TSNARE1: variants seen among roughly 807,000 people sequenced by gnomAD.
The protein encoded by TSNARE1 is t-SNARE domain containing 1, also known as t-SNARE domain-containing protein 1.
Under a neutral mutation model 62.0 loss-of-function variants are expected in TSNARE1, and 49 were observed. The observed-to-expected ratio is 0.79, with a 90% CI of 0.63 to 1.00. The LOEUF is 1.00. TSNARE1 is among the 50% of genes least tolerant of loss of function. The probability of loss-of-function intolerance (pLI) is 0.00; values close to 1 mark genes in which losing one functional copy is unlikely to be tolerated. For missense variants in TSNARE1, 755 were observed against 700.1 expected (o/e 1.08, Z -0.88); for synonymous variants, 328 against 294.4 (o/e 1.11, Z -1.17).
At chr8:142,373,473 G>A (rs1255755805) in intron 1 of TSNARE1, among the ~76,000 whole-genome samples, 1 of 152,124 alleles carries the variant, frequency 6.6e-6, no homozygotes, top group Non-Finnish European at 1.5e-5. Flanking sequence ...CAAGAAACCA[G>A]GACACAGGCA....
At chr8:142,296,796 G>T (rs192213059) in intron 10 of TSNARE1, among the ~76,000 whole-genome samples, 2 of 152,028 alleles carry the variant, frequency 1.3e-5, no homozygotes, top group Non-Finnish European at 2.9e-5. Context: ...GGGTCTCGGC[G>T]GTCCCCACAG....
intron 1 of TSNARE1, among the ~76,000 whole-genome samples, chr8:142,361,924 G>A (rs1835193878): frequency 6.6e-6 from 1 of 152,210 alleles, no homozygotes; most frequent in Admixed American, 6.5e-5. Flanking sequence ...ACAAATTTCT[G>A]CTCTCCAAAG....
intron 9 of TSNARE1, among the ~76,000 whole-genome samples, chr8:142,304,437 G>A (rs926021051): frequency 3.3e-5 from 5 of 152,332 alleles, no homozygotes; most frequent in South Asian, 2.1e-4. Flanking sequence ...TGGGAGCAGC[G>A]GCACTCACAG....
intron 1 of TSNARE1, among the ~76,000 whole-genome samples, chr8:142,393,265 C>T (rs960474599): frequency 6.6e-6 from 1 of 152,206 alleles, no homozygotes. Context: ...TCCATTTCTA[C>T]GACTCGCTTC....
rs1836968104 is a variant in TSNARE1 at position 142,384,320 on chromosome 8, G to A, written c.-40+18784C>T. 2.6e-5 allele frequency among the ~76,000 whole-genome samples: 4 copies of A among 152,154 alleles called. 1 individual carries two copies. The highest frequency in any genetic ancestry group is 2.6e-4 in the Admixed American group (4 of 15,276). On this transcript the variant is annotated intron_variant, in intron 1 of 13. Coordinates refer to ENST00000524325, the MANE Select transcript of TSNARE1 (RefSeq NM_145003.5). Reference sequence around the variant, plus strand: ...GAAGCTGCAAGGACTCTTACAAGAAGCTGGCCCAGAAAAAAACTAACACAT... The same window carrying A: ...GAAGCTGCAAGGACTCTTACAAGAAACTGGCCCAGAAAAAAACTAACACAT...
chr8:142,388,884 A>G (rs1468453496), intron 1 of TSNARE1, among the ~76,000 whole-genome samples: 1 of 152,196 alleles, frequency 6.6e-6, no homozygotes, highest in Non-Finnish European at 1.5e-5. Context: ...CCCAAAATTA[A>G]TATTTAGAAT....
chr8:142,307,889 A>G (rs1410089331), intron 9 of TSNARE1, among the ~76,000 whole-genome samples: 2 of 152,244 alleles, frequency 1.3e-5, no homozygotes, highest in African/African-American at 4.8e-5. Context: ...CGGCTTTTGC[A>G]GAGGTTTTCA....
intron 11 of TSNARE1, among the ~76,000 whole-genome samples, 184 bp downstream of exon 11, chr8:142,284,229 G>A (rs1272239307): frequency 2.0e-5 from 3 of 152,220 alleles, no homozygotes; most frequent in East Asian, 1.9e-4. Context: ...GGCAACGAGC[G>A]GAGCAGGGCT....
chr8:142,386,147 T>C (rs1279793907), intron 1 of TSNARE1, among the ~76,000 whole-genome samples: 1 of 152,198 alleles, frequency 6.6e-6, no homozygotes, highest in African/African-American at 2.4e-5. Context: ...TCCAGGATAA[T>C]CAATCTACTT....
intron 1 of TSNARE1, among the ~76,000 whole-genome samples, chr8:142,389,553 C>G (rs1020975252): frequency 6.6e-6 from 1 of 152,146 alleles, no homozygotes; most frequent in African/African-American, 2.4e-5. Flanking sequence ...AGGAAAAGAT[C>G]GAAAGTCACC....
At chr8:142,300,216 A>G in intron 10 of TSNARE1, 1 of 368,908 alleles carries the variant, frequency 2.7e-6, no homozygotes, top group Non-Finnish European at 4.9e-6. Context: ...ACCCCAGCAT[A>G]GACCCCAGCT....
intron 13 of TSNARE1, among the ~76,000 whole-genome samples, chr8:142,228,339 G>A (rs1424741768): frequency 6.6e-6 from 1 of 152,182 alleles, no homozygotes; most frequent in African/African-American, 2.4e-5. Context: ...GGACACTAAG[G>A]GCCTTCCCAT....
chr8:142,348,331 C>CT (rs1833645184), intron 2 of TSNARE1, among the ~76,000 whole-genome samples: 1 of 152,156 alleles, frequency 6.6e-6, no homozygotes, highest in African/African-American at 2.4e-5. Flanking sequence ...CATCGTCTCC[C>CT]TAAAGCCAGA....
At chr8:142,231,144 T>A (rs745769221) in intron 12 of TSNARE1, among the ~76,000 whole-genome samples, 16 of 152,184 alleles carry the variant, frequency 1.1e-4, no homozygotes, top group Non-Finnish European at 2.1e-4. Flanking sequence ...CTCAGCTCCC[T>A]CAACTGTCTC....
rs527676314 is a variant in TSNARE1 at position 142,257,710 on chromosome 8, C to G, written c.1446+17071G>C. Among the ~76,000 whole-genome samples, 4 of 152,192 alleles carry G rather than the reference C, an allele frequency of 2.6e-5. No individual in the cohort carries two copies. The East Asian group carries it at 7.8e-4, about 30-fold the overall frequency. Reference sequence around the variant, plus strand: ...GTCCCTCTAAAGATCCCCGCGATGACCCAGGGGTGGGAGGCCTGGCCCTGG... The same window carrying G: ...GTCCCTCTAAAGATCCCCGCGATGAGCCAGGGGTGGGAGGCCTGGCCCTGG... On this transcript the variant is annotated intron_variant, in intron 12 of 13. Transcript: ENST00000524325.
At chr8:142,330,866 C>T (rs1830928922) in intron 6 of TSNARE1, 35 bp downstream of exon 6, 3 of 1,610,702 alleles carry the variant, frequency 1.9e-6, no homozygotes, top group South Asian at 1.1e-5. Context: ...GTGCACCACG[C>T]CCAGGCAAAG....
At position 142,273,461 on chromosome 8, in the gene TSNARE1, G is replaced by A. The variant is rs895571077; in HGVS notation, c.1446+1320C>T. On this transcript the variant is annotated intron_variant, in intron 12 of 13. Transcript: ENST00000524325. ...CAGCGACTAGAGGTGCTGGGCCAAGGGCTGAGGCCAAACAGCCCAGAGCTG... is the reference window on the plus strand; with the variant it reads ...CAGCGACTAGAGGTGCTGGGCCAAGAGCTGAGGCCAAACAGCCCAGAGCTG... 4 of 985,238 alleles carry A rather than the reference G, an allele frequency of 4.1e-6. No individual in the cohort carries two copies. The African/African-American group carries it at 5.2e-5, about 13-fold the overall frequency. The allele number at this position is 985,238 out of a possible 1,614,324, so 61.0% of individuals were successfully genotyped here.
Position 142,330,884 on chromosome 8 carries a change from A to G in TSNARE1, c.893+17T>C, listed in dbSNP as rs749616544. 1 of 1,613,596 alleles carries G rather than the reference A, an allele frequency of 6.2e-7. No homozygotes were observed. Among genetic ancestry groups the G allele is most frequent in the Non-Finnish European group, 8.5e-7 (1 of 1,179,640 alleles). On this transcript the variant is annotated intron_variant, in intron 6 of 13. Transcript: ENST00000524325. Reference sequence around the variant, plus strand: ...CACCACGCCCAGGCAAAGAGATACCATGGCCCACACACTCACAGGCTGTCC... The same window carrying G: ...CACCACGCCCAGGCAAAGAGATACCGTGGCCCACACACTCACAGGCTGTCC...
chr8:142,376,751 G>T (rs912667145), intron 1 of TSNARE1, among the ~76,000 whole-genome samples: 1 of 152,184 alleles, frequency 6.6e-6, no homozygotes, highest in Admixed American at 6.5e-5. Flanking sequence ...CCAGGGCCCG[G>T]GCATGGGGGC....
Sources: allele counts gnomAD v4.1 joint callset (sites outside exome capture counted in the v4.1 genomes callset), GRCh38; gene constraint gnomAD v4.1.1; transcripts MANE v1.5; gene names NCBI Gene and HGNC (gene_info 2026-07-23, HGNC 2026-07-21).